SLTM: variants seen among roughly 807,000 people sequenced by gnomAD.
SLTM encodes the protein SAFB like transcription modulator.
Under a neutral mutation model 134.6 loss-of-function variants are expected in SLTM, and 43 were observed. The ratio of observed to expected loss-of-function variants is 0.32; its 90% CI spans 0.25 to 0.41. The LOEUF (loss-of-function observed/expected upper bound fraction) is 0.41, where lower values mean the gene tolerates loss of function less well. Ranked by LOEUF, SLTM falls within the 10% of genes least tolerant of loss-of-function variation. The probability of loss-of-function intolerance (pLI) is 1.00; values close to 1 mark genes in which losing one functional copy is unlikely to be tolerated. For synonymous variants in SLTM, 424 were observed against 432.3 expected, an observed-to-expected ratio of 0.98 and a Z score of 0.24; for missense variants, 1,055 against 1,288.8, an observed-to-expected ratio of 0.82 and a Z score of 2.78.
At chr15:58,930,350 G>A (rs1217583077) in intron 2 of SLTM, among the ~76,000 whole-genome samples, 3 of 143,288 alleles carry the variant, frequency 2.1e-5, no homozygotes, top group East Asian at 2.0e-4. Flanking sequence ...GGCTGCTCTC[G>A]AATTCCCGAC....
intron 15 of SLTM, 46 bp from the exon 16 acceptor site, chr15:58,889,600 CATAAGATAAGT>C: frequency 1.2e-6 from 2 of 1,609,422 alleles, no homozygotes; most frequent in Non-Finnish European, 1.7e-6. Flanking sequence ...AAAATGAAAA[CATAAGATAAGT>C]ATACATGCAA....
intron 2 of SLTM, among the ~76,000 whole-genome samples, chr15:58,929,577 ATTAT>A (rs1278295182): frequency 6.6e-6 from 1 of 152,226 alleles, no homozygotes; most frequent in African/African-American, 2.4e-5. Flanking sequence ...TCTAAAAGTT[ATTAT>A]TTAAACATCT....
chr15:58,928,172 T>G (rs946376231), intron 2 of SLTM, among the ~76,000 whole-genome samples: 1 of 152,214 alleles, frequency 6.6e-6, no homozygotes, highest in Non-Finnish European at 1.5e-5. Flanking sequence ...CTGTACTGAT[T>G]AACCACATCA....
At chr15:58,893,637 A>G (rs905781307) in intron 12 of SLTM, among the ~76,000 whole-genome samples, 184 bp downstream of exon 12, 4 of 152,192 alleles carry the variant, frequency 2.6e-5, no homozygotes, top group African/African-American at 4.8e-5. Context: ...AGCTGGAAGA[A>G]TACATTTGTT....
chr15:58,907,582 C>CG lies in SLTM; in HGVS notation c.561+4980_561+4981insC, dbSNP rs1359782308. On this transcript the variant is annotated intron_variant, in intron 5 of 20. Coordinates refer to ENST00000380516, the MANE Select transcript of SLTM (RefSeq NM_024755.4). ...GCTGCAGTCAGGGGAGATCGCGTCG[C>CG]CACACTCCAGCCTGGACGACAGAGC... is the stretch of plus-strand genomic sequence containing the variant. Among the ~76,000 whole-genome samples, 3 of 152,064 alleles carry CG rather than the reference C, an allele frequency of 2.0e-5. No individual in the cohort carries two copies. In the East Asian group the frequency reaches 5.8e-4, roughly 29 times the overall value.
intron 18 of SLTM, 39 bp from the exon 19 acceptor site, chr15:58,887,158 G>A (rs940722573): frequency 6.2e-7 from 1 of 1,612,794 alleles, no homozygotes; most frequent in Non-Finnish European, 8.5e-7. Flanking sequence ...GATCAAAACT[G>A]TAATCTTAAC....
intron 2 of SLTM, among the ~76,000 whole-genome samples, chr15:58,917,402 CT>C (rs1356215006): frequency 6.6e-6 from 1 of 152,210 alleles, no homozygotes; most frequent in Non-Finnish European, 1.5e-5. Context: ...TTCCTATGTT[CT>C]TCTCTTCAAC....
chr15:58,913,856 A>G (rs1267834192), intron 3 of SLTM, 160 bp from the exon 4 acceptor site: 3 of 570,608 alleles, frequency 5.3e-6, no homozygotes, highest in Non-Finnish European at 9.1e-6. Flanking sequence ...CTGTGTCTTT[A>G]AAAATAGGTC....
intron 9 of SLTM, among the ~76,000 whole-genome samples, chr15:58,896,567 A>G (rs7350771): frequency 6.7e-6 from 1 of 149,962 alleles, no homozygotes; most frequent in African/African-American, 2.4e-5. Flanking sequence ...TCTCAAAAAG[A>G]AAAAAAAAAG....
At position 58,883,920 on chromosome 15, in the gene SLTM, C is replaced by T. The variant is rs1236293521; in HGVS notation, c.2836-134G>A. ...CGAGACCAGCCTGGCTAACATGGTG[C>T]AACCCCGTTTCTACTAAAAATACAA... On this transcript the variant is annotated intron_variant, in intron 19 of 20. Coordinates refer to ENST00000380516, the MANE Select transcript of SLTM (RefSeq NM_024755.4). 4 of 862,142 alleles carry T rather than the reference C, an allele frequency of 4.6e-6. No individual in the cohort carries two copies. The Admixed American group carries it at 1.1e-4, about 23-fold the overall frequency. The allele number at this position is 862,142 out of a possible 1,614,324, so 53.4% of individuals were successfully genotyped here.
chr15:58,919,166 G>C (rs1170447002), intron 2 of SLTM, among the ~76,000 whole-genome samples: 1 of 152,186 alleles, frequency 6.6e-6, no homozygotes, highest in Non-Finnish European at 1.5e-5. Flanking sequence ...ACCCACCTCG[G>C]CCTCCCAAAG....
At chr15:58,886,586 T>C (rs1395503669) in intron 19 of SLTM, among the ~76,000 whole-genome samples, 1 of 152,116 alleles carries the variant, frequency 6.6e-6, no homozygotes, top group Non-Finnish European at 1.5e-5. Flanking sequence ...GCCAAGAATA[T>C]TTTATTGAAA....
intron 5 of SLTM, among the ~76,000 whole-genome samples, chr15:58,905,813 A>G (rs1156916111): frequency 6.6e-6 from 1 of 152,160 alleles, no homozygotes; most frequent in African/African-American, 2.4e-5. Context: ...TAAAGTAACT[A>G]GTAAGGTTTG....
chr15:58,930,516 GA>G (rs2037800464), intron 2 of SLTM, among the ~76,000 whole-genome samples: 1 of 151,332 alleles, frequency 6.6e-6, no homozygotes, highest in Non-Finnish European at 1.5e-5. Context: ...CCCATACAAA[GA>G]AAAAAATTAG....
At chr15:58,922,017 A>AT (rs1244637690) in intron 2 of SLTM, among the ~76,000 whole-genome samples, 1 of 151,994 alleles carries the variant, frequency 6.6e-6, no homozygotes, top group Non-Finnish European at 1.5e-5. Context: ...CCAGCCGACT[A>AT]TATTGTAATT....
chr15:58,898,327 CAGAA>C (rs1466027146), intron 8 of SLTM: 5 of 152,056 alleles, frequency 3.3e-5, no homozygotes, highest in African/African-American at 1.2e-4. Flanking sequence ...TTCTCAGTAT[CAGAA>C]AGCAACTAAA....
intron 5 of SLTM, among the ~76,000 whole-genome samples, chr15:58,906,375 C>T (rs969584099): frequency 6.6e-6 from 1 of 152,144 alleles, no homozygotes; most frequent in Non-Finnish European, 1.5e-5. Flanking sequence ...GGTAAGTACT[C>T]ATGTTGTTTA....
At chr15:58,886,863 T>G (rs2034250842) in intron 19 of SLTM, 112 bp downstream of exon 19, 5 of 1,308,678 alleles carry the variant, frequency 3.8e-6, no homozygotes, top group Non-Finnish European at 5.3e-6. Flanking sequence ...TCTGAATCAT[T>G]CCAATCTAGC....
chr15:58,921,522 A>G, intron 2 of SLTM: 1 of 428,140 alleles, frequency 2.3e-6, no homozygotes, highest in Non-Finnish European at 4.7e-6. Flanking sequence ...TTGCTGTCCC[A>G]TACTGTTTCC....
Sources: allele counts gnomAD v4.1 joint callset (sites outside exome capture counted in the v4.1 genomes callset), GRCh38; gene constraint gnomAD v4.1.1; transcripts MANE v1.5; gene names NCBI Gene and HGNC (gene_info 2026-07-23, HGNC 2026-07-21).